Variants in RANBP2 observed in about 807,000 individuals in gnomAD.
RANBP2 encodes RAN binding protein 2.
A neutral mutation model predicts 303.6 loss-of-function variants in RANBP2; 57 were observed. The observed-to-expected ratio is 0.19, with a 90% CI of 0.15 to 0.23. RANBP2 has a LOEUF of 0.23. Among genes scored for constraint, RANBP2 ranks in the 10% least tolerant of loss-of-function variants. The pLI, the probability that RANBP2 is intolerant of heterozygous loss-of-function variation, is 1.00. For missense variants in RANBP2, 3,138 were observed against 3,780.8 expected (o/e 0.83, Z 4.46); for synonymous variants, 1,167 against 1,301.5 (o/e 0.90, Z 2.23).
At chr2:109,447,575 C>CT in the RANBP2 span, among the ~76,000 whole-genome samples, 167 of 152,244 alleles carry the variant, frequency 1.1e-3, no homozygotes, top group South Asian at 3.9e-3. Context: ...TGGTGCTGCC[C>CT]GGGCCACTTG....
chr2:108,959,160 G>A, the RANBP2 span, among the ~76,000 whole-genome samples: 177 of 152,348 alleles, frequency 1.2e-3, 1 homozygote, highest in African/African-American at 4.2e-3. Context: ...GAGTGTATAT[G>A]GGGCATGCTG....
chr2:109,480,840 C>G, the RANBP2 span, among the ~76,000 whole-genome samples: 4 of 152,076 alleles, frequency 2.6e-5, no homozygotes, highest in African/African-American at 9.7e-5. Context: ...GAGGGCGGTT[C>G]GCTGTTCTCT....
the RANBP2 span, among the ~76,000 whole-genome samples, chr2:109,525,143 G>A: frequency 7.1e-6 from 1 of 140,658 alleles, no homozygotes; most frequent in South Asian, 2.3e-4. Context: ...CATCATTTTT[G>A]TTTTTGTTTT....
At chr2:109,337,587 G>A in the RANBP2 span, among the ~76,000 whole-genome samples, 1 of 152,198 alleles carries the variant, frequency 6.6e-6, no homozygotes, top group African/African-American at 2.4e-5. Context: ...CGAGCCTTTA[G>A]CACATTTGCT....
the RANBP2 span, among the ~76,000 whole-genome samples, chr2:109,691,971 A>G: frequency 6.6e-6 from 1 of 151,852 alleles, no homozygotes; most frequent in Non-Finnish European, 1.5e-5. Flanking sequence ...TTTAGTAGAG[A>G]CGAGGTTTCA....
the RANBP2 span, among the ~76,000 whole-genome samples, chr2:109,494,252 G>A: frequency 6.6e-6 from 1 of 152,198 alleles, no homozygotes; most frequent in Non-Finnish European, 1.5e-5. Context: ...CGTTCTCTGA[G>A]TGTTCCATCT....
the RANBP2 span, chr2:109,419,610 C>T: frequency 6.3e-7 from 1 of 1,591,766 alleles, no homozygotes. Context: ...GAGAGCAGGG[C>T]ACGCCTCCCA....
the RANBP2 span, among the ~76,000 whole-genome samples, chr2:109,575,409 T>C: frequency 1.3e-5 from 2 of 152,262 alleles, no homozygotes; most frequent in South Asian, 4.1e-4. Flanking sequence ...TAACTAGTAA[T>C]GGTGGCACGT....
the RANBP2 span, among the ~76,000 whole-genome samples, chr2:109,258,382 C>T: frequency 2.6e-5 from 4 of 152,276 alleles, no homozygotes; most frequent in Non-Finnish European, 2.9e-5. Context: ...CTAGTGCAGC[C>T]GGGTTTTCTG....
the RANBP2 span, among the ~76,000 whole-genome samples, chr2:109,335,485 C>T: frequency 6.6e-6 from 1 of 152,196 alleles, no homozygotes. Context: ...GACTAGCCCT[C>T]GCTCATCCAC....
At chr2:109,335,544 A>G in the RANBP2 span, among the ~76,000 whole-genome samples, 1 of 151,922 alleles carries the variant, frequency 6.6e-6, no homozygotes, top group East Asian at 1.9e-4. Flanking sequence ...ATTTCACCCT[A>G]TCCCCATCCC....
chr2:109,085,447 G>A, the RANBP2 span, among the ~76,000 whole-genome samples: 3 of 151,970 alleles, frequency 2.0e-5, no homozygotes, highest in South Asian at 2.1e-4. Context: ...GGGCCTACAC[G>A]CGCCCGCCAC....
the RANBP2 span, among the ~76,000 whole-genome samples, chr2:108,799,054 G>A: frequency 1.1e-4 from 16 of 151,788 alleles, no homozygotes; most frequent in African/African-American, 3.6e-4. Context: ...TTTGTGGGGC[G>A]GGGGGGTTGT....
chr2:108,781,195 T>G, intron 25 of RANBP2, 74 bp from the exon 26 acceptor site: 1 of 1,388,100 alleles, frequency 7.2e-7, no homozygotes, highest in Non-Finnish European at 1.0e-6. Context: ...ATTAGAGGGA[T>G]TGATAAAATA....
At chr2:109,761,647 C>T in the RANBP2 span, among the ~76,000 whole-genome samples, 2 of 148,214 alleles carry the variant, frequency 1.3e-5, no homozygotes, top group African/African-American at 5.0e-5. Flanking sequence ...TTTCTCTGCT[C>T]CCCCCAACCC....
the RANBP2 span, among the ~76,000 whole-genome samples, chr2:109,489,708 G>A: frequency 7.2e-6 from 1 of 138,628 alleles, no homozygotes; most frequent in Admixed American, 8.2e-5. Flanking sequence ...GGAAGAGAAA[G>A]GAAAACAAGT....
At chr2:109,356,428 A>G in the RANBP2 span, among the ~76,000 whole-genome samples, 5 of 152,192 alleles carry the variant, frequency 3.3e-5, no homozygotes, top group African/African-American at 4.8e-5. Context: ...TCCACTGCTC[A>G]TTCACTAATC....
the RANBP2 span, among the ~76,000 whole-genome samples, chr2:108,990,129 C>A: frequency 6.6e-6 from 1 of 152,156 alleles, no homozygotes; most frequent in Non-Finnish European, 1.5e-5. Context: ...AACTCCGTCC[C>A]TACTAAAAAT....
chr2:109,597,263 G>T, the RANBP2 span, among the ~76,000 whole-genome samples: 4 of 152,156 alleles, frequency 2.6e-5, no homozygotes, highest in Admixed American at 2.0e-4. Context: ...TAATAAATTA[G>T]CAGGAAAAGT....
Sources: gnomAD v4.1 joint callset for allele counts (sites outside exome capture counted in the v4.1 genomes callset) on GRCh38, gnomAD v4.1.1 for gene constraint, MANE v1.5 for transcripts, NCBI Gene and HGNC (gene_info 2026-07-23, HGNC 2026-07-21) for gene names.